The following PJVK variants were observed in gnomAD, a reference collection of about 807,000 sequenced individuals.
The protein encoded by PJVK is autosomal recessive deafness type 59 protein.
PJVK carries 33 observed loss-of-function variants against 37.6 expected under a neutral mutation model. The observed-to-expected ratio is 0.88, with a 90% confidence interval of 0.67 to 1.17. The LOEUF is 1.17. PJVK is among the 50% of genes most tolerant of loss of function. PJVK has a pLI of 0.00. For missense variants in PJVK, 410 were observed against 413.8 expected (o/e 0.99, Z 0.08); for synonymous variants, 141 against 143.5 (o/e 0.98, Z 0.13).
rs1416233853 is a variant in PJVK at position 178,458,512 on chromosome 2, T to G, written c.552T>G (p.Phe184Leu). The G allele has an allele frequency of 6.3e-7, 1 of 1,597,250 alleles. No individual in the cohort carries two copies. Among genetic ancestry groups the G allele is most frequent in the Non-Finnish European group, 8.6e-7 (1 of 1,164,646 alleles). Residue 184 changes from phenylalanine (F) to leucine (L), a missense_variant and splice_region_variant, in exon 5 of 7, where the codon TTT (phenylalanine) becomes TTG (leucine). By Grantham distance (22) the Phe-to-Leu change is conservative. Coordinates refer to ENST00000644580, the MANE Select transcript of PJVK (RefSeq NM_001042702.5). Reference sequence around the variant, plus strand: ...TGTTATTTATTTATTCAATATAGTTTCACTTTATGGATGAACAGAATCCCA... The same window carrying G: ...TGTTATTTATTTATTCAATATAGTTGCACTTTATGGATGAACAGAATCCCA... ...HAGIRGEAMR[F>L]HFMDEQNPKG...
In PJVK at chr2:178,452,434, C is replaced by G. The variant is rs531012377; in HGVS notation, c.-23+665C>G. ...ATTAGAGCCTATTCTCTCTTCCTCT[C>G]CGTCTATATATGTATGTATATAGAT... On this transcript the variant is annotated intron_variant, in intron 1 of 6. Coordinates refer to ENST00000644580, the MANE Select transcript of PJVK (RefSeq NM_001042702.5). The G allele has an allele frequency of 1.0e-5, 10 of 985,300 alleles. No individual in the cohort carries two copies. The African/African-American group carries it at 1.2e-4, about 12-fold the overall frequency. 61.0% of individuals were successfully genotyped at this position (985,300 alleles called of 1,614,324 possible). A position where few individuals can be genotyped will look rare whatever the true frequency, so the allele number is the denominator to read the frequency against.
At chr2:178,460,885 C>T in intron 6 of PJVK, 97 bp from the exon 7 acceptor site, 5 of 680,826 alleles carry the variant, frequency 7.3e-6, no homozygotes, top group Admixed American at 2.5e-5. Context: ...CAAATTATTT[C>T]ATGACTAGTG....
Position 178,461,308 on chromosome 2 carries a change from G to T in PJVK, c.*34G>T. On this transcript the variant is annotated 3_prime_UTR_variant, in exon 7 of 7. Transcript: ENST00000644580. Reference sequence around the variant, plus strand: ...ATGAATACACCGTGTTGGTGTTTTAGGTGCAGTTGTGCCACAAACCTTCCC... The same window carrying T: ...ATGAATACACCGTGTTGGTGTTTTATGTGCAGTTGTGCCACAAACCTTCCC... 6.2e-7 allele frequency: 1 copy of T among 1,610,662 alleles called. No individual in the cohort carries two copies. The highest frequency in any genetic ancestry group is 8.5e-7 in the Non-Finnish European group (1 of 1,178,676).
chr2:178,454,749 C>T lies in PJVK; in HGVS notation c.407+222C>T. ...GACCTCAGGGCCCCAGATCAAGGAG[C>T]TAACTGATGAAGAGGCAGAGAGGCT... On this transcript the variant is annotated intron_variant, in intron 3 of 6. Coordinates refer to ENST00000644580, the MANE Select transcript of PJVK (RefSeq NM_001042702.5). The T allele has an allele frequency of 1.9e-6, 3 of 1,572,808 alleles. No individual in the cohort carries two copies. In the African/African-American group the frequency reaches 4.1e-5, roughly 21 times the overall value.
chr2:178,455,965 A>G (rs1426813355), intron 3 of PJVK, 45 bp from the exon 4 acceptor site: 3 of 1,600,888 alleles, frequency 1.9e-6, no homozygotes, highest in East Asian at 2.2e-5. Flanking sequence ...GATTATGTGT[A>G]ATTAGATGTT....
chr2:178,454,834 G>A, intron 3 of PJVK: 2 of 1,241,124 alleles, frequency 1.6e-6, no homozygotes, highest in Admixed American at 1.7e-5. Context: ...ATCAAGAATG[G>A]CAGCCTTGAC....
intron 5 of PJVK, 77 bp from the exon 6 acceptor site, chr2:178,460,271 C>G: frequency 8.5e-7 from 1 of 1,177,994 alleles, no homozygotes; most frequent in Non-Finnish European, 1.3e-6. Context: ...ATGATTTGTA[C>G]TAGAATTCAT....
In PJVK at chr2:178,455,929, A is replaced by G. The variant is rs1258529871; in HGVS notation, c.408-81A>G. The G allele has an allele frequency of 3.3e-6, 5 of 1,507,974 alleles. No homozygotes were observed. In the African/African-American group the frequency reaches 5.5e-5, roughly 17 times the overall value. The allele number at this position is 1,507,974 out of a possible 1,614,324, so 93.4% of individuals were successfully genotyped here. On this transcript the variant is annotated intron_variant, in intron 3 of 6. Transcript: ENST00000644580. ...ACTATTAGGTGAACTATGAATGAAT[A>G]ACACATGATAGCAAAAAATGTATTT...
Position 178,458,574 on chromosome 2 carries a change from C to A in PJVK, c.614C>A (p.Thr205Lys), listed in dbSNP as rs1170864365. Residue 205 changes from threonine (T) to lysine (K), a missense_variant, in exon 5 of 7, where the codon ACA becomes AAA. Transcript: ENST00000644580. ...RDKAIVFPAH[T>K]TIAFSVFELF... ...AAAGCTATTGTTTTCCCAGCACATA[C>A]AACCATAGCTTTCAGTGTTTTTGAA... 2 of 1,614,138 alleles carry A rather than the reference C, an allele frequency of 1.2e-6. No homozygotes were observed. Among genetic ancestry groups the A allele is most frequent in the Admixed American group, 3.3e-5 (2 of 60,030 alleles).
chr2:178,451,634 C>T lies in PJVK; in HGVS notation c.-158C>T, dbSNP rs1269684513. Reference sequence around the variant, plus strand: ...GCTTGAGACCCCGGATATATACGCTCCAGGGGGCTGCGGTGCGCTCTTCGG... The same window carrying T: ...GCTTGAGACCCCGGATATATACGCTTCAGGGGGCTGCGGTGCGCTCTTCGG... On this transcript the variant is annotated 5_prime_UTR_variant, in exon 1 of 7. Coordinates refer to ENST00000644580, the MANE Select transcript of PJVK (RefSeq NM_001042702.5). The T allele has an allele frequency of 9.2e-6, 2 of 218,334 alleles. No individual in the cohort carries two copies. The highest frequency in any genetic ancestry group is 4.7e-5 in the African/African-American group (2 of 42,612). 13.5% of individuals were successfully genotyped at this position (218,334 alleles called of 1,614,324 possible).
At position 178,462,079 on chromosome 2, in the gene PJVK, A is replaced by G. The variant is rs1170285673; in HGVS notation, c.*805A>G. On this transcript the variant is annotated 3_prime_UTR_variant, in exon 7 of 7. Coordinates refer to ENST00000644580, the MANE Select transcript of PJVK (RefSeq NM_001042702.5). Reference sequence around the variant, plus strand: ...ATCTTAAATGTTTAATTGCAGTATCAAATTAAAAGCACACTGAACTCAACA... The same window carrying G: ...ATCTTAAATGTTTAATTGCAGTATCGAATTAAAAGCACACTGAACTCAACA... Among the ~76,000 whole-genome samples the G allele has an allele frequency of 6.6e-6, 1 of 150,726 alleles. No individual in the cohort carries two copies. Among genetic ancestry groups the G allele is most frequent in the East Asian group, 1.9e-4 (1 of 5,194 alleles).
chr2:178,453,907 A>C (rs1056958502), intron 2 of PJVK: 31 of 379,800 alleles, frequency 8.2e-5, no homozygotes, highest in Non-Finnish European at 1.3e-4. Context: ...AAAATGGGAT[A>C]TTATTTGGGC....
At chr2:178,455,159 G>A in intron 3 of PJVK, 1 of 1,600,240 alleles carries the variant, frequency 6.2e-7, no homozygotes, top group Admixed American at 1.7e-5. Context: ...GGTGGTGACT[G>A]TGCATCTGGA....
Position 178,453,453 on chromosome 2 carries a change from A to G in PJVK, c.44A>G (p.Asp15Gly). Reference protein sequence around the residue: ...ATKSFVKQVGDGGRLVPVPSL... With the variant: ...ATKSFVKQVGGGGRLVPVPSL... ...AAGAGCTTTGTCAAGCAAGTTGGAG[A>G]TGGAGGGAGATTAGTTCCTGTTCCA... Residue 15 changes from aspartate to glycine, a missense_variant, in exon 2 of 7, where the codon GAT (aspartate) becomes GGT (glycine). By Grantham distance (94) the Asp-to-Gly change is moderately conservative. Transcript: ENST00000644580. The G allele has an allele frequency of 6.2e-7, 1 of 1,614,154 alleles. No homozygotes were observed. Among genetic ancestry groups the G allele is most frequent in the Non-Finnish European group, 8.5e-7 (1 of 1,180,010 alleles).
intron 5 of PJVK, chr2:178,459,367 A>T (rs1684341194): frequency 3.0e-6 from 1 of 337,344 alleles, no homozygotes. Context: ...ACTACATGTT[A>T]AGTAAATTGT....
At chr2:178,455,170 G>A (rs1193836340) in intron 3 of PJVK, 1 of 1,595,642 alleles carries the variant, frequency 6.3e-7, no homozygotes, top group Non-Finnish European at 8.6e-7. Context: ...TGCATCTGGA[G>A]AAGATCAAGA....
chr2:178,452,800 A>T (rs556659950), intron 1 of PJVK: 13 of 187,996 alleles, frequency 6.9e-5, no homozygotes, highest in Non-Finnish European at 9.9e-5. Flanking sequence ...AGATTTGCAT[A>T]TAATTGTTTA....
At chr2:178,457,641 G>A (rs1163917617) in intron 4 of PJVK, among the ~76,000 whole-genome samples, 3 of 152,118 alleles carry the variant, frequency 2.0e-5, no homozygotes, top group East Asian at 1.9e-4. Context: ...ATTTGCCTTC[G>A]GACTTCTCTG....
intron 2 of PJVK, 108 bp downstream of exon 2, chr2:178,453,728 A>C: frequency 1.1e-6 from 1 of 922,910 alleles, no homozygotes; most frequent in South Asian, 1.5e-5. Context: ...TCAATGATTA[A>C]AGCAACTTTT....
Sources: gnomAD v4.1 joint callset for allele counts (sites outside exome capture counted in the v4.1 genomes callset) on GRCh38, gnomAD v4.1.1 for gene constraint, MANE v1.5 for transcripts, NCBI Gene and HGNC (gene_info 2026-07-23, HGNC 2026-07-21) for gene names.